Variants in TMEM212 observed in about 807,000 individuals in gnomAD.
The protein encoded by TMEM212 is transmembrane protein 212.
Under a neutral mutation model 20.5 loss-of-function variants are expected in TMEM212, and 23 were observed. The observed-to-expected ratio is 1.12, with a 90% CI of 0.81 to 1.59. TMEM212 has a LOEUF of 1.59. TMEM212 is among the 40% of genes most tolerant of loss of function. The probability of loss-of-function intolerance (pLI) is 0.00; values close to 1 mark genes in which losing one functional copy is unlikely to be tolerated. For missense variants in TMEM212, 211 were observed against 215.0 expected, an observed-to-expected ratio of 0.98 and a Z score of 0.12; for synonymous variants, 76 against 81.6, an observed-to-expected ratio of 0.93 and a Z score of 0.37.
intron 1 of TMEM212, 40 bp from the exon 2 acceptor site, chr3:171,851,942 T>A: frequency 2.0e-6 from 3 of 1,519,058 alleles, no homozygotes; most frequent in Non-Finnish European, 2.7e-6. Flanking sequence ...CAGAGGTACC[T>A]TCTGTGGTGG....
intron 3 of TMEM212, among the ~76,000 whole-genome samples, chr3:171,856,159 G>C (rs1048560491): frequency 1.4e-4 from 22 of 152,144 alleles, no homozygotes; most frequent in African/African-American, 4.1e-4. Context: ...CCATTTCATA[G>C]ATTGGTATCA....
chr3:171,851,174 G>C (rs1478398048), intron 1 of TMEM212, among the ~76,000 whole-genome samples: 1 of 152,130 alleles, frequency 6.6e-6, no homozygotes, highest in Non-Finnish European at 1.5e-5. Context: ...CATTAACCAA[G>C]AACAAATGAT....
At chr3:171,847,404 T>C (rs2108378672) in intron 1 of TMEM212, among the ~76,000 whole-genome samples, 1 of 152,352 alleles carries the variant, frequency 6.6e-6, no homozygotes, top group South Asian at 2.1e-4. Flanking sequence ...CAACGGAAGT[T>C]CTGCCCCTTC....
rs1725162216 is a variant in TMEM212 at position 171,858,271 on chromosome 3, A to AT, written c.*215dup. On this transcript the variant is annotated 3_prime_UTR_variant, in exon 5 of 5. Transcript: ENST00000334567. ...AGAGGCCTCAGAAATAACACCACAC[A>AT]TATACAACCATCTGATCTTTGACAA... 1 of 152,164 alleles carries AT rather than the reference A, an allele frequency of 6.6e-6. No homozygotes were observed. Among genetic ancestry groups the AT allele is most frequent in the Non-Finnish European group, 1.5e-5 (1 of 68,054 alleles). The allele number at this position is 152,164 out of a possible 1,614,324, so 9.4% of individuals were successfully genotyped here.
chr3:171,853,894 A>G, intron 3 of TMEM212, 44 bp downstream of exon 3: 1 of 1,418,206 alleles, frequency 7.1e-7, no homozygotes, highest in East Asian at 2.5e-5. Flanking sequence ...TCCATCTTGT[A>G]TGCTAAAATG....
At chr3:171,852,266 T>C (rs1724994418) in intron 2 of TMEM212, among the ~76,000 whole-genome samples, 1 of 152,082 alleles carries the variant, frequency 6.6e-6, no homozygotes, top group Admixed American at 6.5e-5. Flanking sequence ...AGTGGCATGA[T>C]CTCGGCTCAC....
intron 1 of TMEM212, among the ~76,000 whole-genome samples, chr3:171,849,266 T>C (rs1031999333): frequency 6.6e-6 from 1 of 152,226 alleles, no homozygotes; most frequent in Non-Finnish European, 1.5e-5. Flanking sequence ...TTATCATCGA[T>C]GTTTCCCCTG....
chr3:171,858,632 G>A lies in TMEM212; in HGVS notation c.*575G>A, dbSNP rs1421312835. On this transcript the variant is annotated 3_prime_UTR_variant, in exon 5 of 5. Coordinates refer to ENST00000334567, the MANE Select transcript of TMEM212 (RefSeq NM_001164436.2). ...AAAGAAACTATCATCAGAGTGAACA[G>A]GCAACCTACAGAACGGGAGAAAATT... The A allele has an allele frequency of 2.6e-5, 4 of 151,850 alleles. No homozygotes were observed. Among genetic ancestry groups the A allele is most frequent in the African/African-American group, 9.7e-5 (4 of 41,134 alleles). The allele number at this position is 151,850 out of a possible 1,614,324, so 9.4% of individuals were successfully genotyped here.
chr3:171,847,167 G>A (rs186515315), intron 1 of TMEM212, among the ~76,000 whole-genome samples: 31 of 152,334 alleles, frequency 2.0e-4, no homozygotes, highest in South Asian at 6.2e-4. Flanking sequence ...TATTCAGTGA[G>A]GAGATCATAA....
At chr3:171,856,863 T>C in intron 4 of TMEM212, 156 bp downstream of exon 4, 2 of 422,686 alleles carry the variant, frequency 4.7e-6, no homozygotes, top group South Asian at 1.4e-4. Context: ...TGCATCTGAC[T>C]GGGATGTTTC....
At chr3:171,854,122 G>C (rs1725058046) in intron 3 of TMEM212, among the ~76,000 whole-genome samples, 1 of 152,126 alleles carries the variant, frequency 6.6e-6, no homozygotes, top group Non-Finnish European at 1.5e-5. Context: ...ATAGGAACAA[G>C]ACAAGGGTGC....
At chr3:171,854,992 AT>A (rs1413208007) in intron 3 of TMEM212, among the ~76,000 whole-genome samples, 1 of 152,212 alleles carries the variant, frequency 6.6e-6, no homozygotes, top group Non-Finnish European at 1.5e-5. Flanking sequence ...GGGTTGTGTA[AT>A]TCAGTTGGCT....
rs555715925 is a variant in TMEM212, at chr3:171,858,400, A to G, written c.*343A>G. Reference sequence around the variant, plus strand: ...AAAGCTGAAACTGGATCCCTTCCTTACACCTTATATAAAAATTAACTCAAG... The same window carrying G: ...AAAGCTGAAACTGGATCCCTTCCTTGCACCTTATATAAAAATTAACTCAAG... On this transcript the variant is annotated 3_prime_UTR_variant, in exon 5 of 5. Coordinates refer to ENST00000334567, the MANE Select transcript of TMEM212 (RefSeq NM_001164436.2). 6.6e-6 allele frequency: 1 copy of G among 152,258 alleles called. No homozygotes were observed. Among genetic ancestry groups the G allele is most frequent in the East Asian group, 1.9e-4 (1 of 5,190 alleles). 9.4% of individuals were successfully genotyped at this position (152,258 alleles called of 1,614,324 possible).
At chr3:171,856,000 C>T in intron 3 of TMEM212, among the ~76,000 whole-genome samples, 1 of 151,744 alleles carries the variant, frequency 6.6e-6, no homozygotes. Context: ...AAAAAGTATA[C>T]AAATAAAACT....
intron 1 of TMEM212, among the ~76,000 whole-genome samples, chr3:171,846,865 C>G (rs1240035019): frequency 1.3e-5 from 2 of 152,190 alleles, no homozygotes; most frequent in Admixed American, 1.3e-4. Flanking sequence ...CCAATCACTT[C>G]TTAACTTGCC....
Position 171,853,550 on chromosome 3 carries a change from G to T in TMEM212, c.243G>T (p.Val81=), listed in dbSNP as rs1560327289. 4 of 1,536,566 alleles carry T rather than the reference G, an allele frequency of 2.6e-6. No individual in the cohort carries two copies. The highest frequency in any genetic ancestry group is 3.5e-6 in the Non-Finnish European group (4 of 1,146,542). Residue 81 remains valine, a synonymous_variant, in exon 3 of 5, where the codon GTG becomes GTT. Coordinates refer to ENST00000334567, the MANE Select transcript of TMEM212 (RefSeq NM_001164436.2). ...RYLGEATFTF[V]ILSIMGCPLH... ...AGGGGGAAGCTACTTTCACCTTTGT[G>T]ATTCTGAGCATTATGGGATGTCCAC...
chr3:171,856,354 C>A (rs997835937), intron 3 of TMEM212, among the ~76,000 whole-genome samples: 1 of 152,170 alleles, frequency 6.6e-6, no homozygotes, highest in East Asian at 1.9e-4. Context: ...CCTAAGAGAA[C>A]AATCAGCCTA....
intron 2 of TMEM212, among the ~76,000 whole-genome samples, chr3:171,852,342 A>G (rs890547455): frequency 1.3e-5 from 2 of 152,094 alleles, no homozygotes; most frequent in African/African-American, 4.8e-5. Flanking sequence ...CTGGGACTAC[A>G]GGTGCACGCC....
intron 1 of TMEM212, among the ~76,000 whole-genome samples, chr3:171,846,542 A>G (rs958790562): frequency 5.9e-5 from 9 of 152,212 alleles, no homozygotes; most frequent in African/African-American, 2.2e-4. Context: ...TGTGTTCAAT[A>G]AATATTGTTC....
Sources: gnomAD v4.1 joint callset for allele counts (sites outside exome capture counted in the v4.1 genomes callset) on GRCh38, gnomAD v4.1.1 for gene constraint, MANE v1.5 for transcripts, NCBI Gene and HGNC (gene_info 2026-07-23, HGNC 2026-07-21) for gene names.